CAD: variants seen among roughly 807,000 people sequenced by gnomAD.
CAD encodes carbamoyl-phosphate synthetase 2, aspartate transcarbamylase, and dihydroorotase.
CAD carries 81 observed loss-of-function variants against 237.2 expected under a neutral mutation model. The ratio of observed to expected loss-of-function variants is 0.34; its 90% CI spans 0.29 to 0.41. The LOEUF (loss-of-function observed/expected upper bound fraction) is 0.41. CAD is among the 10% of genes least tolerant of loss of function. CAD has a pLI of 1.00. For synonymous variants in CAD, 1,196 were observed against 1,162.8 expected, an observed-to-expected ratio of 1.03 and a Z score of -0.58; for missense variants, 2,181 against 2,951.7, an observed-to-expected ratio of 0.74 and a Z score of 6.05.
chr2:27,243,609 C>A lies in CAD; in HGVS notation c.*91C>A. Reference sequence around the variant, plus strand: ...ACGGGGGCAGCACACTTAGATATTCCTGGACATCCAGATAGCTCACATGTG... The same window carrying A: ...ACGGGGGCAGCACACTTAGATATTCATGGACATCCAGATAGCTCACATGTG... On this transcript the variant is annotated 3_prime_UTR_variant, in exon 44 of 44. Transcript: ENST00000264705. 1 of 975,926 alleles carries A rather than the reference C, an allele frequency of 1.0e-6. No individual in the cohort carries two copies. The highest frequency in any genetic ancestry group is 1.6e-6 in the Non-Finnish European group (1 of 638,636). The allele number at this position is 975,926 out of a possible 1,614,324, so 60.5% of individuals were successfully genotyped here.
chr2:27,238,540 A>C lies in CAD; in HGVS notation c.4970A>C (p.Lys1657Thr). The C allele has an allele frequency of 6.2e-7, 1 of 1,614,072 alleles. No individual in the cohort carries two copies. Among genetic ancestry groups the C allele is most frequent in the East Asian group, 2.2e-5 (1 of 44,874 alleles). ...HDDLERLGPG[K>T]GEVRPELGSR... is the part of the protein sequence containing the mutation. Reference sequence around the variant, plus strand: ...GACCTGGAGCGCCTGGGGCCTGGGAAGGGGGAGGTCCGGCCTGAGCTTGGC... The same window carrying C: ...GACCTGGAGCGCCTGGGGCCTGGGACGGGGGAGGTCCGGCCTGAGCTTGGC... The change falls in exon 31 of 44, where the codon AAG becomes ACG. Residue 1657 changes from lysine to threonine, a missense_variant. Lys to Thr is a moderately conservative substitution (Grantham distance 78). Transcript: ENST00000264705.
intron 43 of CAD, 58 bp from the exon 44 acceptor site, chr2:27,243,358 C>T: frequency 6.5e-7 from 1 of 1,538,240 alleles, no homozygotes; most frequent in Non-Finnish European, 9.0e-7. Context: ...TAGTCCTGGA[C>T]AAGCCATCCA....
chr2:27,224,770 A>G lies in CAD; in HGVS notation c.1280A>G (p.Asn427Ser), dbSNP rs765734732. ...SQAIKALKEE[N>S]IQTLLINPNI... ...GCAATTAAGGCCCTGAAGGAGGAAA[A>G]CATCCAGACGTTGCTGATCAACCCC... Residue 427 changes from asparagine (N) to serine (S), a missense_variant, in exon 10 of 44, where the codon AAC (asparagine) becomes AGC (serine). Around this residue, in one of 12 missense-constraint regions of CAD, gnomAD observed 174 missense variants for 215.8 expected, o/e 0.81. Coordinates refer to ENST00000264705, the MANE Select transcript of CAD (RefSeq NM_004341.5). 2 of 1,614,166 alleles carry G rather than the reference A, an allele frequency of 1.2e-6. No homozygotes were observed. Among genetic ancestry groups the G allele is most frequent in the Non-Finnish European group, 1.7e-6 (2 of 1,180,030 alleles).
chr2:27,229,214 G>A (rs1037835538), intron 15 of CAD, among the ~76,000 whole-genome samples: 8 of 151,868 alleles, frequency 5.3e-5, no homozygotes, highest in Admixed American at 1.3e-4. Context: ...CACCATGCCC[G>A]GCCGACCCTG....
rs1675822593 is a variant in CAD, at chr2:27,232,799, T to C, written c.2892+105T>C. 6.9e-7 allele frequency: 1 copy of C among 1,450,082 alleles called. No individual in the cohort carries two copies. Among genetic ancestry groups the C allele is most frequent in the Non-Finnish European group, 9.6e-7 (1 of 1,046,760 alleles). The allele number at this position is 1,450,082 out of a possible 1,614,324, so 89.8% of individuals were successfully genotyped here. On this transcript the variant is annotated intron_variant, in intron 18 of 43. Transcript: ENST00000264705. The surrounding 1 kb of genome is among the most constrained non-coding windows in gnomAD (Gnocchi z 4.1). Reference sequence around the variant, plus strand: ...TCCTATTAATTGCCGTCCCTTACTTTGGTCATAGAGCTTTGGGGTGGGGGT... The same window carrying C: ...TCCTATTAATTGCCGTCCCTTACTTCGGTCATAGAGCTTTGGGGTGGGGGT...
Position 27,232,379 on chromosome 2 carries a change from G to A in CAD, c.2646-69G>A, listed in dbSNP as rs1675802263. The A allele has an allele frequency of 1.3e-6, 2 of 1,598,086 alleles. No homozygotes were observed. The highest frequency in any genetic ancestry group is 8.5e-7 in the Non-Finnish European group (1 of 1,171,288). On this transcript the variant is annotated intron_variant, in intron 17 of 43. Transcript: ENST00000264705. This position sits in a 1 kb window ranked among gnomAD's most constrained non-coding sequence, Gnocchi z 4.1. ...ATATTTCCTCTCATCTGTGCCCTGG[G>A]GTCTCAACCCTCTATCAGTCTGTAC...
intron 31 of CAD, 62 bp downstream of exon 31, chr2:27,238,694 A>G: frequency 6.8e-7 from 1 of 1,480,544 alleles, no homozygotes; most frequent in Admixed American, 2.0e-5. Flanking sequence ...CCCTAGCAAG[A>G]AAATGGGAAG....
Position 27,225,153 on chromosome 2 carries a change from G to C in CAD, c.1530G>C (p.Glu510Asp), listed in dbSNP as rs749481130. 1.2e-6 allele frequency: 2 copies of C among 1,614,194 alleles called. No individual in the cohort carries two copies. Among genetic ancestry groups the C allele is most frequent in the South Asian group, 2.2e-5 (2 of 91,078 alleles). Residue 510 changes from glutamate (E) to aspartate (D), a missense_variant, in exon 11 of 44, where the codon GAG becomes GAC. By Grantham distance (45) the Glu-to-Asp change is conservative (BLOSUM62 2). Coordinates refer to ENST00000264705, the MANE Select transcript of CAD (RefSeq NM_004341.5). ...RVLGTPVETI[E>D]LTEDRRAFAA... ...TGGGCACACCAGTGGAGACCATTGA[G>C]CTGACCGAGGATCGACGGGCCTTTG...
Position 27,243,592 on chromosome 2 carries a change from A to ACTG in CAD, c.*74_*75insCTG. On this transcript the variant is annotated 3_prime_UTR_variant, in exon 44 of 44. Transcript: ENST00000264705. ...GAATTCCAGTGCCTCCTACGGGGGC[A>ACTG]GCACACTTAGATATTCCTGGACATC... 16 of 1,119,724 alleles carry ACTG rather than the reference A, an allele frequency of 1.4e-5. No homozygotes were observed. Among genetic ancestry groups the ACTG allele is most frequent in the Non-Finnish European group, 2.0e-5 (15 of 761,258 alleles). 69.4% of individuals were successfully genotyped at this position (1,119,724 alleles called of 1,614,324 possible).
In CAD at chr2:27,240,393, G is replaced by A; in HGVS notation, c.5593+32G>A. The A allele has an allele frequency of 1.3e-6, 2 of 1,590,622 alleles. No homozygotes were observed. The highest frequency in any genetic ancestry group is 1.7e-6 in the Non-Finnish European group (2 of 1,158,684). On this transcript the variant is annotated intron_variant, in intron 35 of 43. Coordinates refer to ENST00000264705, the MANE Select transcript of CAD (RefSeq NM_004341.5). The surrounding 1 kb of genome is among the most constrained non-coding windows in gnomAD (Gnocchi z 4.6). Reference sequence around the variant, plus strand: ...GTGGGGTTCCTGTGACTCAGAGACTGTGTAGGGACAGGATCCACTTCTTCC... The same window carrying A: ...GTGGGGTTCCTGTGACTCAGAGACTATGTAGGGACAGGATCCACTTCTTCC...
chr2:27,224,706 T>C, intron 9 of CAD, 39 bp from the exon 10 acceptor site: 1 of 1,613,886 alleles, frequency 6.2e-7, no homozygotes, highest in Non-Finnish European at 8.5e-7. Flanking sequence ...CAATTTTGCT[T>C]CTTCAGCAGA....
At chr2:27,234,424 C>T (rs1293586720) in intron 22 of CAD, 94 bp from the exon 23 acceptor site, 4 of 1,325,094 alleles carry the variant, frequency 3.0e-6, no homozygotes, top group Non-Finnish European at 4.3e-6. Context: ...AGTCTGATCC[C>T]CCAGAGCTGA....
At chr2:27,221,498 A>G (rs1210862428) in intron 3 of CAD, 151 bp downstream of exon 3, 4 of 729,198 alleles carry the variant, frequency 5.5e-6, no homozygotes, top group Non-Finnish European at 7.7e-6. Context: ...GAATTGAACT[A>G]TCACTCAGAA....
In CAD at chr2:27,239,679, C is replaced by T; in HGVS notation, c.5395-18C>T. ...GTTCTCTCTGCTCCCTCCTGAGTGCCCTGCCTTCTGCCTGCAGGTTCTGGT... is the reference window on the plus strand; with the variant it reads ...GTTCTCTCTGCTCCCTCCTGAGTGCTCTGCCTTCTGCCTGCAGGTTCTGGT... On this transcript the variant is annotated intron_variant, in intron 33 of 43. Coordinates refer to ENST00000264705, the MANE Select transcript of CAD (RefSeq NM_004341.5). The surrounding 1 kb of genome is among the most constrained non-coding windows in gnomAD (Gnocchi z 4.0). 2 of 1,561,780 alleles carry T rather than the reference C, an allele frequency of 1.3e-6. No individual in the cohort carries two copies. The highest frequency in any genetic ancestry group is 1.7e-6 in the Non-Finnish European group (2 of 1,150,252).
Position 27,240,987 on chromosome 2 carries a change from G to T in CAD, c.5638+32G>T. On this transcript the variant is annotated intron_variant, in intron 36 of 43. Transcript: ENST00000264705. This position sits in a 1 kb window ranked among gnomAD's most constrained non-coding sequence, Gnocchi z 4.6. ...CTCCACCCTGACACACACTCACCTC[G>T]GGGACCTCTGATCTGGCCTTGGTAG... 1 of 1,613,980 alleles carries T rather than the reference G, an allele frequency of 6.2e-7. No homozygotes were observed. Among genetic ancestry groups the T allele is most frequent in the Non-Finnish European group, 8.5e-7 (1 of 1,179,976 alleles).
chr2:27,234,294 ATGAAGCCCTGCACTGTC>A, intron 22 of CAD, 68 bp downstream of exon 22: 2 of 1,435,048 alleles, frequency 1.4e-6, no homozygotes, highest in Non-Finnish European at 2.0e-6. Context: ...CCACAGTGCC[ATGAAGCCCTGCACTGTC>A]TCCTGCCTTC....
At chr2:27,226,398 T>G (rs929628788) in intron 13 of CAD, 79 bp downstream of exon 13, 71 of 1,229,472 alleles carry the variant, frequency 5.8e-5, no homozygotes, top group Non-Finnish European at 8.1e-5. Context: ...GAGGTTGAGG[T>G]CTTTTGGGCT....
In CAD at chr2:27,243,740, ACAGT is replaced by A. The variant is rs1468170681; in HGVS notation, c.*225_*228del. ...CTTCATTCCTGCACCTTAAACCTGT[ACAGT>A]CATTTTTCTACTGACTTAATAAACA... On this transcript the variant is annotated 3_prime_UTR_variant, in exon 44 of 44. Coordinates refer to ENST00000264705, the MANE Select transcript of CAD (RefSeq NM_004341.5). 1.8e-6 allele frequency: 1 copy of A among 560,416 alleles called. No homozygotes were observed. Among genetic ancestry groups the A allele is most frequent in the Non-Finnish European group, 3.2e-6 (1 of 315,190 alleles). The allele number at this position is 560,416 out of a possible 1,614,324, so 34.7% of individuals were successfully genotyped here.
At chr2:27,227,101 G>A in intron 15 of CAD, 139 bp downstream of exon 15, 1 of 715,212 alleles carries the variant, frequency 1.4e-6, no homozygotes, top group Non-Finnish European at 2.3e-6. Flanking sequence ...TATAGTCCTT[G>A]TCAGGAGTTG....
Sources: gnomAD v4.1 joint callset for allele counts (sites outside exome capture counted in the v4.1 genomes callset) on GRCh38, gnomAD v4.1.1 for gene constraint, gnomAD v4.1.1 regional missense constraint, Gnocchi (gnomAD v3.1) non-coding constraint, MANE v1.5 for transcripts, NCBI Gene and HGNC (gene_info 2026-07-23, HGNC 2026-07-21) for gene names.